Variants in PHC1 observed in about 807,000 individuals in gnomAD.
PHC1 encodes polyhomeotic-like protein 1.
Under a neutral mutation model 104.3 loss-of-function variants are expected in PHC1, and 12 were observed. The observed-to-expected ratio is 0.12, with a 90% CI of 0.07 to 0.19. PHC1 has a LOEUF of 0.19. PHC1 is among the 10% of genes least tolerant of loss of function. The pLI is 1.00. For synonymous variants in PHC1, 302 were observed against 455.8 expected, an observed-to-expected ratio of 0.66 and a Z score of 4.30; for missense variants, 671 against 1,200.0, an observed-to-expected ratio of 0.56 and a Z score of 6.51.
In PHC1 at chr12:8,922,687, C is replaced by G. The variant is rs1268567769; in HGVS notation, c.511C>G (p.Leu171Val). 3.1e-6 allele frequency: 5 copies of G among 1,605,710 alleles called. No individual in the cohort carries two copies. Among genetic ancestry groups the G allele is most frequent in the East Asian group, 4.5e-5 (2 of 44,672 alleles). Residue 171 changes from leucine (L) to valine (V), a missense_variant, in exon 6 of 15, where the codon CTA (leucine) becomes GTA (valine). Physicochemically the swap from Leu to Val is conservative, Grantham distance 32. Coordinates refer to ENST00000544916, the MANE Select transcript of PHC1 (RefSeq NM_004426.3). ...VNRTLGRNVP[L>V]ASQLILMPNG... ...CCGAACCCTGGGTCGGAATGTGCCTCTAGCCTCCCAACTCATCCTGATGCC... is the reference window on the plus strand; with the variant it reads ...CCGAACCCTGGGTCGGAATGTGCCTGTAGCCTCCCAACTCATCCTGATGCC...
At chr12:8,920,034 G>A (rs1049005456) in intron 3 of PHC1, 168 bp downstream of exon 3, 1 of 1,073,360 alleles carries the variant, frequency 9.3e-7, no homozygotes, top group Non-Finnish European at 1.3e-6. Flanking sequence ...TTCTGGGGTT[G>A]CAGTAAGAAC....
At chr12:8,937,365 G>T in intron 13 of PHC1, 39 bp downstream of exon 13, 1 of 1,533,838 alleles carries the variant, frequency 6.5e-7, no homozygotes, top group South Asian at 1.2e-5. Flanking sequence ...CTTTAAACTG[G>T]GTCTTTTTTT....
At chr12:8,927,185 A>G (rs866257328) in intron 6 of PHC1, among the ~76,000 whole-genome samples, 1 of 152,218 alleles carries the variant, frequency 6.6e-6, no homozygotes, top group Non-Finnish European at 1.5e-5. Context: ...AGAGAGAGAA[A>G]GAAAGATGGT....
At chr12:8,930,019 G>A (rs55710456) in intron 6 of PHC1, among the ~76,000 whole-genome samples, 31,611 of 152,022 alleles carry the variant, frequency 0.21, 3,643 homozygotes, top group Admixed American at 0.29. Flanking sequence ...ATCTTATTAT[G>A]TCATAAGTGA....
chr12:8,933,499 A>C (rs1945749736), intron 8 of PHC1, 149 bp downstream of exon 8: 1 of 1,030,304 alleles, frequency 9.7e-7, no homozygotes. Context: ...AGAGTGACAC[A>C]TTATATAATA....
rs745506027 is a variant in PHC1, at chr12:8,921,050, C to T, written c.291C>T (p.Thr97=). 2.3e-5 allele frequency: 37 copies of T among 1,612,846 alleles called. No homozygotes were observed. Among genetic ancestry groups the T allele is most frequent in the African/African-American group, 4.0e-5 (3 of 74,816 alleles). Reference sequence around the variant, plus strand: ...CCAGCACTACACAGCAGCAGACTACCACCACCCAGGCCTCGGTGAGTACGC... The same window carrying T: ...CCAGCACTACACAGCAGCAGACTACTACCACCCAGGCCTCGGTGAGTACGC... ...PNTSTTQQQT[T]TTQASINLAT... Residue 97 remains threonine, a synonymous_variant, in exon 4 of 15, where the codon ACC becomes ACT. Transcript: ENST00000544916.
intron 6 of PHC1, among the ~76,000 whole-genome samples, chr12:8,927,854 TTTCTTTCTTTC>T (rs1945561556): frequency 3.9e-5 from 1 of 25,646 alleles, no homozygotes; most frequent in Non-Finnish European, 7.8e-5. Context: ...CTGTACTAGT[TTTCTTTCTTTC>T]TTTCTTTCTT....
chr12:8,916,738 A>G (rs1342042093), intron 1 of PHC1, among the ~76,000 whole-genome samples: 1 of 152,002 alleles, frequency 6.6e-6, no homozygotes, highest in Non-Finnish European at 1.5e-5. Flanking sequence ...TATGTTTCAT[A>G]CTCCGGAGTC....
Position 8,921,064 on chromosome 12 carries a change from C to G in PHC1, c.305C>G (p.Ser102Trp). Residue 102 changes from serine (S) to tryptophan (W), a missense_variant and splice_region_variant, in exon 4 of 15, where the codon TCG becomes TGG. Physicochemically the swap from Ser to Trp is radical, Grantham distance 177 (BLOSUM62 -3). This residue lies in a region of PHC1 where 237 missense variants were observed against 331.1 expected (regional missense o/e 0.72). Coordinates refer to ENST00000544916, the MANE Select transcript of PHC1 (RefSeq NM_004426.3). ...CAGCAGACTACCACCACCCAGGCCTCGGTGAGTACGCCCTCTCCCACTGAG... is the reference window on the plus strand; with the variant it reads ...CAGCAGACTACCACCACCCAGGCCTGGGTGAGTACGCCCTCTCCCACTGAG... ...TQQQTTTTQA[S>W]INLATTSAAQ... 1.2e-6 allele frequency: 2 copies of G among 1,610,820 alleles called. No homozygotes were observed. The highest frequency in any genetic ancestry group is 1.7e-6 in the Non-Finnish European group (2 of 1,178,100).
At chr12:8,922,395 T>C (rs918132703) in intron 5 of PHC1, among the ~76,000 whole-genome samples, 13 of 152,350 alleles carry the variant, frequency 8.5e-5, no homozygotes, top group South Asian at 8.3e-4. Context: ...TAATTTTCTC[T>C]ATTTCTTTGA....
chr12:8,938,078 A>G lies in PHC1; in HGVS notation c.2860+18A>G, dbSNP rs1438843719. Reference sequence around the variant, plus strand: ...TCTCCAAGGTACTGACCCTCTCTTCAACAGAACCCAGGTTGTTTTCCTTAA... The same window carrying G: ...TCTCCAAGGTACTGACCCTCTCTTCGACAGAACCCAGGTTGTTTTCCTTAA... On this transcript the variant is annotated intron_variant, in intron 14 of 14. Coordinates refer to ENST00000544916, the MANE Select transcript of PHC1 (RefSeq NM_004426.3). 6.4e-7 allele frequency: 1 copy of G among 1,566,326 alleles called. No homozygotes were observed. The highest frequency in any genetic ancestry group is 1.7e-5 in the Admixed American group (1 of 58,288).
upstream of PHC1, chr12:8,914,003 T>C (rs893002217): frequency 6.5e-6 from 1 of 152,688 alleles, no homozygotes; most frequent in Non-Finnish European, 1.5e-5. Context: ...TCTCAAAGTT[T>C]TTCTCGCCTT....
At chr12:8,928,942 T>A (rs934497931) in intron 6 of PHC1, among the ~76,000 whole-genome samples, 1 of 152,236 alleles carries the variant, frequency 6.6e-6, no homozygotes, top group Non-Finnish European at 1.5e-5. Flanking sequence ...CTTCTGTAGA[T>A]GGCCCTTTGA....
At chr12:8,933,399 A>C in intron 8 of PHC1, 49 bp downstream of exon 8, 1 of 1,482,536 alleles carries the variant, frequency 6.7e-7, no homozygotes, top group Non-Finnish European at 9.0e-7. Context: ...ATGAGAGTGG[A>C]CCTGGGCTAA....
Position 8,940,598 on chromosome 12 carries a change from G to A in PHC1, c.*1139G>A, listed in dbSNP as rs8639. On this transcript the variant is annotated 3_prime_UTR_variant, in exon 15 of 15. Transcript: ENST00000544916. The stretch of plus-strand genomic sequence containing the variant: ...AAGGCTTATAAAAGGCCCCCTGCCT[G>A]TTGATTCCATCCCTCTTTTGTGTCC... 1,002 of 76,946 alleles carry A rather than the reference G, an allele frequency of 0.013. 24 individuals carry two copies. Among genetic ancestry groups the A allele is most frequent in the African/African-American group, 0.047 (847 of 18,180 alleles). 4.8% of individuals were successfully genotyped at this position (76,946 alleles called of 1,614,324 possible).
chr12:8,933,449 A>G lies in PHC1; in HGVS notation c.1893+99A>G, dbSNP rs1012067806. Reference sequence around the variant, plus strand: ...TAATTGAATAGGGGAATAAAGAGTTAAGAGGGTTAATATTGGTATTTATCT... The same window carrying G: ...TAATTGAATAGGGGAATAAAGAGTTGAGAGGGTTAATATTGGTATTTATCT... On this transcript the variant is annotated intron_variant, in intron 8 of 14. Transcript: ENST00000544916. 8 of 1,354,714 alleles carry G rather than the reference A, an allele frequency of 5.9e-6. No homozygotes were observed. The East Asian group carries it at 2.0e-4, about 34-fold the overall frequency. 83.9% of individuals were successfully genotyped at this position (1,354,714 alleles called of 1,614,324 possible). A position where few individuals can be genotyped will look rare whatever the true frequency, so the allele number is the denominator to read the frequency against.
At chr12:8,916,608 G>A (rs4883197) in intron 1 of PHC1, among the ~76,000 whole-genome samples, 135,760 of 151,872 alleles carry the variant, frequency 0.89, 61,192 homozygotes, top group South Asian at 0.97. Flanking sequence ...GTTCTTAGCA[G>A]TGTTTTCATA....
In PHC1 at chr12:8,930,423, CG is replaced by C. The variant is rs1750640800; in HGVS notation, c.613-11del. 1 of 1,606,446 alleles carries C rather than the reference CG, an allele frequency of 6.2e-7. No homozygotes were observed. Among genetic ancestry groups the C allele is most frequent in the Non-Finnish European group, 8.5e-7 (1 of 1,176,358 alleles). On this transcript the variant is annotated splice_polypyrimidine_tract_variant and intron_variant, in intron 6 of 14. Coordinates refer to ENST00000544916, the MANE Select transcript of PHC1 (RefSeq NM_004426.3). Reference sequence around the variant, plus strand: ...TCCTCCTTTTCTCAATCTGTTTTTTCGTATCTTTCAGGTTCAGAACTTGGCA... The same window carrying C: ...TCCTCCTTTTCTCAATCTGTTTTTTCTATCTTTCAGGTTCAGAACTTGGCA...
chr12:8,933,491 A>G, intron 8 of PHC1, 141 bp downstream of exon 8: 1 of 1,077,514 alleles, frequency 9.3e-7, no homozygotes, highest in Non-Finnish European at 1.3e-6. Flanking sequence ...TCTGTAAGAG[A>G]GTGACACATT....
Sources: allele counts gnomAD v4.1 joint callset (sites outside exome capture counted in the v4.1 genomes callset), GRCh38; gene constraint gnomAD v4.1.1; regional missense constraint gnomAD v4.1.1; transcripts MANE v1.5; gene names NCBI Gene and HGNC (gene_info 2026-07-23, HGNC 2026-07-21).